Variants in HSD17B12 observed in about 807,000 individuals in gnomAD.
HSD17B12 encodes hydroxysteroid 17-beta dehydrogenase 12, also known as very-long-chain 3-oxoacyl-CoA reductase.
HSD17B12 carries 32 observed loss-of-function variants against 39.3 expected under a neutral mutation model. The observed-to-expected ratio is 0.81, with a 90% CI of 0.61 to 1.09. HSD17B12 has a LOEUF of 1.09. Ranked by LOEUF, HSD17B12 falls within the 50% of genes least tolerant of loss-of-function variation. The probability of loss-of-function intolerance (pLI) is 0.00; values close to 1 mark genes in which losing one functional copy is unlikely to be tolerated. For synonymous variants in HSD17B12, 150 were observed against 146.7 expected, an observed-to-expected ratio of 1.02 and a Z score of -0.16; for missense variants, 342 against 382.9, an observed-to-expected ratio of 0.89 and a Z score of 0.89.
intron 1 of HSD17B12, among the ~76,000 whole-genome samples, chr11:43,743,810 A>G (rs574258893): frequency 1.3e-4 from 20 of 152,216 alleles, no homozygotes; most frequent in Non-Finnish European, 2.5e-4. Flanking sequence ...CGATATTTTA[A>G]TGCAGCCAAG....
At chr11:43,811,336 C>T (rs761714633) in intron 4 of HSD17B12, among the ~76,000 whole-genome samples, 1 of 152,098 alleles carries the variant, frequency 6.6e-6, no homozygotes, top group Non-Finnish European at 1.5e-5. Flanking sequence ...ATTCCACAAG[C>T]AAAAGGTGGA....
the HSD17B12 span, among the ~76,000 whole-genome samples, chr11:43,618,767 G>A: frequency 2.0e-5 from 3 of 152,232 alleles, no homozygotes; most frequent in Middle Eastern, 3.4e-3. Context: ...ATCATCATCA[G>A]TTTCTGAGGA....
At chr11:43,747,942 C>A (rs1345522132) in intron 1 of HSD17B12, among the ~76,000 whole-genome samples, 3 of 152,066 alleles carry the variant, frequency 2.0e-5, no homozygotes, top group African/African-American at 4.8e-5. Flanking sequence ...ATTTTGAGTA[C>A]CCTGCGGGTG....
the HSD17B12 span, among the ~76,000 whole-genome samples, chr11:43,573,846 T>C: frequency 8.5e-5 from 13 of 152,226 alleles, no homozygotes; most frequent in Non-Finnish European, 1.5e-4. Flanking sequence ...AAAACATGTT[T>C]AGCCTGACAT....
At chr11:43,635,087 A>G in the HSD17B12 span, among the ~76,000 whole-genome samples, 1 of 152,226 alleles carries the variant, frequency 6.6e-6, no homozygotes, top group East Asian at 1.9e-4. Flanking sequence ...AAAAAAACAG[A>G]TGAAGAAAAG....
At chr11:43,750,785 G>A (rs925310641) in intron 1 of HSD17B12, 126 bp from the exon 2 acceptor site, 1 of 566,584 alleles carries the variant, frequency 1.8e-6, no homozygotes, top group African/African-American at 1.9e-5. Flanking sequence ...TGAACCGCTG[G>A]TATTGTTCTG....
chr11:43,659,894 C>T, the HSD17B12 span, among the ~76,000 whole-genome samples: 1 of 152,126 alleles, frequency 6.6e-6, no homozygotes, highest in African/African-American at 2.4e-5. Context: ...GAAAGTCTAC[C>T]AGTGCCAAAG....
At chr11:43,753,110 A>G (rs1272740340) in intron 2 of HSD17B12, among the ~76,000 whole-genome samples, 2 of 152,010 alleles carry the variant, frequency 1.3e-5, no homozygotes, top group African/African-American at 2.4e-5. Flanking sequence ...CTCTACTACT[A>G]TATTTATGTG....
chr11:43,742,508 T>C (rs953300176), intron 1 of HSD17B12, among the ~76,000 whole-genome samples: 6 of 152,162 alleles, frequency 3.9e-5, no homozygotes, highest in African/African-American at 7.2e-5. Context: ...ATTTTTTCCA[T>C]GTTTGTTGAG....
intron 3 of HSD17B12, among the ~76,000 whole-genome samples, chr11:43,776,141 A>C (rs2134998243): frequency 6.6e-6 from 1 of 152,310 alleles, no homozygotes; most frequent in Admixed American, 6.5e-5. Context: ...TGGCTGGGTC[A>C]AATGGTATTT....
chr11:43,649,913 C>T, the HSD17B12 span, among the ~76,000 whole-genome samples: 1 of 152,108 alleles, frequency 6.6e-6, no homozygotes, highest in Non-Finnish European at 1.5e-5. Context: ...CTGGAGGATG[C>T]GACATCAAGT....
chr11:43,660,843 G>A, the HSD17B12 span, among the ~76,000 whole-genome samples: 1 of 152,230 alleles, frequency 6.6e-6, no homozygotes, highest in African/African-American at 2.4e-5. Flanking sequence ...GGAACAGACT[G>A]GCCGGGTTCT....
the HSD17B12 span, among the ~76,000 whole-genome samples, chr11:43,661,303 G>T: frequency 6.6e-6 from 1 of 152,102 alleles, no homozygotes; most frequent in Non-Finnish European, 1.5e-5. Context: ...GATGGGTTGG[G>T]GGTCAAAAAG....
At chr11:43,677,586 C>G (rs1202784585), upstream of HSD17B12, among the ~76,000 whole-genome samples, 4 of 151,830 alleles carry the variant, frequency 2.6e-5, no homozygotes, top group Non-Finnish European at 4.4e-5. Context: ...TGCTATTCCT[C>G]CCCACCCCCC....
At chr11:43,655,155 C>A in the HSD17B12 span, among the ~76,000 whole-genome samples, 3 of 152,076 alleles carry the variant, frequency 2.0e-5, no homozygotes, top group African/African-American at 7.2e-5. Context: ...GTATTTTATT[C>A]TCTTTGAAGC....
chr11:43,819,519 A>G (rs916545925), intron 6 of HSD17B12, among the ~76,000 whole-genome samples: 1 of 152,226 alleles, frequency 6.6e-6, no homozygotes, highest in Admixed American at 6.5e-5. Flanking sequence ...CAAATCGAAG[A>G]GCACCATGAA....
At chr11:43,825,555 G>A (rs111874968) in intron 6 of HSD17B12, among the ~76,000 whole-genome samples, 1,969 of 152,304 alleles carry the variant, frequency 0.013, 15 homozygotes, top group Middle Eastern at 0.031. Flanking sequence ...AACAACATTA[G>A]GAATATGATA....
At chr11:43,780,522 C>G (rs1950755074) in intron 3 of HSD17B12, among the ~76,000 whole-genome samples, 1 of 151,914 alleles carries the variant, frequency 6.6e-6, no homozygotes, top group Admixed American at 6.6e-5. Context: ...TATGTGCATA[C>G]CATACATATG....
chr11:43,744,317 G>A (rs1055208256), intron 1 of HSD17B12, among the ~76,000 whole-genome samples: 4 of 151,914 alleles, frequency 2.6e-5, no homozygotes, highest in African/African-American at 9.7e-5. Context: ...TCATGATGGA[G>A]TTCTACAGAC....
Sources: allele counts gnomAD v4.1 joint callset (sites outside exome capture counted in the v4.1 genomes callset), GRCh38; gene constraint gnomAD v4.1.1; transcripts MANE v1.5; gene names NCBI Gene and HGNC (gene_info 2026-07-23, HGNC 2026-07-21).